Variants in RBPMS observed in about 807,000 individuals in gnomAD.
RBPMS encodes RNA binding protein, mRNA processing factor, also known as RNA-binding protein with multiple splicing.
Under a neutral mutation model 26.8 loss-of-function variants are expected in RBPMS, and 7 were observed. The observed-to-expected ratio is 0.26, with a 90% CI of 0.15 to 0.49. The LOEUF (loss-of-function observed/expected upper bound fraction) is 0.49. Among genes scored for constraint, RBPMS ranks in the 20% least tolerant of loss-of-function variants. The pLI, the probability that RBPMS is intolerant of heterozygous loss-of-function variation, is 0.98. For synonymous variants in RBPMS, 96 were observed against 93.3 expected (o/e 1.03, Z -0.17); for missense variants, 186 against 250.0 (o/e 0.74, Z 1.73).
intron 6 of RBPMS, among the ~76,000 whole-genome samples, chr8:30,555,502 GAGA>G (rs1826785700): frequency 6.7e-6 from 1 of 150,274 alleles, no homozygotes; most frequent in African/African-American, 2.4e-5. Flanking sequence ...ACAGGGTCTT[GAGA>G]AGCCCCTGGA....
chr8:30,526,046 G>A (rs1301953140), intron 5 of RBPMS, among the ~76,000 whole-genome samples: 2 of 152,208 alleles, frequency 1.3e-5, no homozygotes, highest in African/African-American at 4.8e-5. Flanking sequence ...CTGATAGATG[G>A]GGGATCCCCA....
chr8:30,478,578 C>T (rs913237028), intron 3 of RBPMS, among the ~76,000 whole-genome samples: 3 of 150,102 alleles, frequency 2.0e-5, no homozygotes, highest in Non-Finnish European at 4.4e-5. Context: ...CGGCTCACTG[C>T]AACCTCCGCC....
At position 30,436,057 on chromosome 8, in the gene RBPMS, A is replaced by G. The variant is rs867652422; in HGVS notation, c.67-38722A>G. 5.5e-4 allele frequency among the ~76,000 whole-genome samples: 83 copies of G among 152,280 alleles called. 1 individual carries two copies. The highest frequency in any genetic ancestry group is 1.9e-3 in the African/African-American group (78 of 41,560). On this transcript the variant is annotated intron_variant, in intron 1 of 8. Coordinates refer to ENST00000397323, the MANE Select transcript of RBPMS (RefSeq NM_001008710.3). ...GGGTAAGTACAGGGAGACAACAACA[A>G]TTTTTCTGACTCTTCTTAGTCCTTA...
intron 6 of RBPMS, chr8:30,555,970 T>C (rs1181311884): frequency 6.1e-6 from 6 of 984,332 alleles, no homozygotes; most frequent in Non-Finnish European, 7.2e-6. Context: ...CTCTGCCGGC[T>C]GTGGTGCGGG....
At chr8:30,409,809 T>C (rs1809087976) in intron 1 of RBPMS, among the ~76,000 whole-genome samples, 5 of 151,886 alleles carry the variant, frequency 3.3e-5, no homozygotes, top group Admixed American at 2.0e-4. Flanking sequence ...ATTTTTGTAG[T>C]TTTAGTAGAG....
intron 1 of RBPMS, among the ~76,000 whole-genome samples, chr8:30,421,527 A>G (rs1003865045): frequency 3.3e-5 from 5 of 152,230 alleles, no homozygotes; most frequent in African/African-American, 4.8e-5. Flanking sequence ...CATATTTAGT[A>G]TTCCTACATT....
intron 8 of RBPMS, among the ~76,000 whole-genome samples, chr8:30,569,177 A>C (rs1828098715): frequency 6.6e-6 from 1 of 152,190 alleles, no homozygotes; most frequent in Non-Finnish European, 1.5e-5. Flanking sequence ...CCCAGGCCAG[A>C]CACCATCAAC....
intron 5 of RBPMS, 152 bp downstream of exon 5, chr8:30,504,588 CA>C: frequency 1.5e-6 from 1 of 668,592 alleles, no homozygotes; most frequent in Non-Finnish European, 2.4e-6. Context: ...GTCAGAATTC[CA>C]AATACAGCAA....
intron 1 of RBPMS, among the ~76,000 whole-genome samples, chr8:30,411,244 G>T (rs971161980): frequency 4.6e-5 from 7 of 152,180 alleles, no homozygotes; most frequent in African/African-American, 1.7e-4. Flanking sequence ...ACCCTGGCCT[G>T]TGTTTTGCTC....
At chr8:30,488,912 A>T (rs1471298964) in intron 4 of RBPMS, among the ~76,000 whole-genome samples, 1 of 152,178 alleles carries the variant, frequency 6.6e-6, no homozygotes, top group Non-Finnish European at 1.5e-5. Flanking sequence ...GGACCTGATT[A>T]TATCCAGGCC....
intron 6 of RBPMS, among the ~76,000 whole-genome samples, chr8:30,552,178 C>T (rs1378973631): frequency 6.6e-6 from 1 of 152,048 alleles, no homozygotes; most frequent in East Asian, 1.9e-4. Context: ...CGAGAGGAGG[C>T]CGTCTGGTTG....
At chr8:30,386,317 T>A (rs898529891) in intron 1 of RBPMS, among the ~76,000 whole-genome samples, 1 of 152,216 alleles carries the variant, frequency 6.6e-6, no homozygotes, top group Non-Finnish European at 1.5e-5. Context: ...ACAACTTCTC[T>A]GCACATTGTC....
intron 1 of RBPMS, among the ~76,000 whole-genome samples, chr8:30,393,175 A>G (rs1807991234): frequency 6.6e-6 from 1 of 152,190 alleles, no homozygotes; most frequent in South Asian, 2.1e-4. Flanking sequence ...AGGGTTTGGT[A>G]TACTTAGCCA....
At chr8:30,391,848 C>A (rs1394669022) in intron 1 of RBPMS, among the ~76,000 whole-genome samples, 1 of 152,056 alleles carries the variant, frequency 6.6e-6, no homozygotes, top group Non-Finnish European at 1.5e-5. Context: ...AAAGGAAATA[C>A]TGAAATCTTT....
At chr8:30,504,931 A>G (rs1407217097) in intron 5 of RBPMS, among the ~76,000 whole-genome samples, 3 of 152,198 alleles carry the variant, frequency 2.0e-5, no homozygotes, top group African/African-American at 7.2e-5. Context: ...CAAAGAATGT[A>G]TATATTGGAA....
At chr8:30,472,827 G>A (rs1226562057) in intron 1 of RBPMS, among the ~76,000 whole-genome samples, 1 of 152,166 alleles carries the variant, frequency 6.6e-6, no homozygotes, top group African/African-American at 2.4e-5. Flanking sequence ...TGTAATCCCA[G>A]CACTGTGGGA....
Position 30,566,360 on chromosome 8 carries a change from G to A in RBPMS, c.*111G>A, listed in dbSNP as rs1316070246. 24 of 841,332 alleles carry A rather than the reference G, an allele frequency of 2.9e-5. No individual in the cohort carries two copies. Among genetic ancestry groups the A allele is most frequent in the Non-Finnish European group, 3.2e-5 (24 of 746,368 alleles). 52.1% of individuals were successfully genotyped at this position (841,332 alleles called of 1,614,324 possible). On this transcript the variant is annotated splice_region_variant and 3_prime_UTR_variant, in exon 8 of 9. Transcript: ENST00000397323. ...CTGTTCTACAAAACTGGAGCATGCT[G>A]GTGAGTAACAGTCAGGGCTGAACAA...
intron 5 of RBPMS, among the ~76,000 whole-genome samples, chr8:30,533,505 A>G (rs1021265524): frequency 1.3e-5 from 2 of 152,226 alleles, no homozygotes; most frequent in Admixed American, 6.5e-5. Flanking sequence ...TTCTGGGTCC[A>G]TGGGTGGCTT....
chr8:30,436,705 G>A (rs1812487529), intron 1 of RBPMS, among the ~76,000 whole-genome samples: 1 of 152,190 alleles, frequency 6.6e-6, no homozygotes, highest in African/African-American at 2.4e-5. Context: ...AGGGTATGCA[G>A]TGTGCCTGAG....
Sources: allele counts gnomAD v4.1 joint callset (sites outside exome capture counted in the v4.1 genomes callset), GRCh38; gene constraint gnomAD v4.1.1; transcripts MANE v1.5; gene names NCBI Gene and HGNC (gene_info 2026-07-23, HGNC 2026-07-21).